Variants in CHD6 observed in about 807,000 individuals in gnomAD.
The protein encoded by CHD6 is ATP-dependent chromatin remodeler CHD6.
Under a neutral mutation model 276.9 loss-of-function variants are expected in CHD6, and 50 were observed. The ratio of observed to expected loss-of-function variants is 0.18; its 90% CI spans 0.14 to 0.23. CHD6 has a LOEUF of 0.23. Ranked by LOEUF, CHD6 falls within the 10% of genes least tolerant of loss-of-function variation. CHD6 has a pLI of 1.00. For synonymous variants in CHD6, 1,173 were observed against 1,229.3 expected (o/e 0.95, Z 0.96); for missense variants, 2,564 against 3,365.8 (o/e 0.76, Z 5.89).
At chr20:41,598,432 A>G (rs1001297230) in intron 1 of CHD6, among the ~76,000 whole-genome samples, 2 of 152,014 alleles carry the variant, frequency 1.3e-5, no homozygotes, top group Non-Finnish European at 2.9e-5. Flanking sequence ...CGGATTAAAT[A>G]TTCCGTCCGC....
rs148499011 is a variant in CHD6 at position 41,533,564 on chromosome 20, T to C, written c.40A>G (p.Asn14Asp). Residue 14 changes from asparagine (N) to aspartate (D), a missense_variant, in exon 3 of 37, where the codon AAT becomes GAT. Transcript: ENST00000373233. The part of the protein sequence containing the change: ...KIQKKEKQLS[N>D]LKVLNHSPMS... ...GGGGAGTGATTCAAAACTTTTAAAT[T>C]TGACAACTGTAAAAGAAAGAGAAAC... 6.6e-4 allele frequency: 1,049 copies of C among 1,600,378 alleles called. 1 individual carries two copies. The highest frequency in any genetic ancestry group is 8.5e-4 in the Non-Finnish European group (995 of 1,177,118).
chr20:41,547,441 C>A (rs766308196), intron 2 of CHD6: 1 of 263,878 alleles, frequency 3.8e-6, no homozygotes, highest in East Asian at 9.3e-5. Flanking sequence ...AAGTTTGACC[C>A]CAATGAGATT....
chr20:41,510,448 G>A (rs181713260), intron 5 of CHD6, among the ~76,000 whole-genome samples: 1 of 152,184 alleles, frequency 6.6e-6, no homozygotes. Context: ...GCCTTGGCTC[G>A]GAGGCCAGCC....
intron 11 of CHD6, among the ~76,000 whole-genome samples, chr20:41,491,123 T>A (rs796434499): frequency 5.9e-5 from 9 of 152,212 alleles, no homozygotes; most frequent in African/African-American, 2.2e-4. Context: ...ACACTAAGGC[T>A]ACACTCAATT....
chr20:41,532,366 T>C (rs1375914668), intron 3 of CHD6, among the ~76,000 whole-genome samples: 1 of 152,150 alleles, frequency 6.6e-6, no homozygotes, highest in Non-Finnish European at 1.5e-5. Context: ...TCAGTCCTCA[T>C]CTATCTGGAA....
intron 1 of CHD6, among the ~76,000 whole-genome samples, chr20:41,564,971 T>C (rs756816198): frequency 2.0e-5 from 3 of 152,054 alleles, no homozygotes; most frequent in East Asian, 1.9e-4. Flanking sequence ...CAGGTAGGAA[T>C]AGGTAGGGCA....
At chr20:41,565,968 G>A (rs1017669720) in intron 1 of CHD6, among the ~76,000 whole-genome samples, 1 of 152,176 alleles carries the variant, frequency 6.6e-6, no homozygotes, top group Admixed American at 6.5e-5. Context: ...GTACCATTAA[G>A]AGGGAAAAAC....
intron 5 of CHD6, among the ~76,000 whole-genome samples, chr20:41,511,076 T>C (rs1407787767): frequency 1.3e-5 from 2 of 152,232 alleles, no homozygotes; most frequent in African/African-American, 2.4e-5. Flanking sequence ...ATTGTTAAAA[T>C]AGGGACAATA....
intron 5 of CHD6, among the ~76,000 whole-genome samples, chr20:41,502,388 T>C (rs1343532177): frequency 2.6e-5 from 4 of 152,214 alleles, no homozygotes; most frequent in African/African-American, 9.7e-5. Context: ...GTATTTTATA[T>C]TTATAGCACA....
At chr20:41,472,408 A>G (rs1328341052) in intron 17 of CHD6, among the ~76,000 whole-genome samples, 3 of 152,038 alleles carry the variant, frequency 2.0e-5, no homozygotes, top group Non-Finnish European at 4.4e-5. Context: ...GCAGCCTCCA[A>G]ACTTCTTTTG....
intron 22 of CHD6, 103 bp from the exon 23 acceptor site, chr20:41,451,208 G>A: frequency 9.6e-7 from 1 of 1,036,978 alleles, no homozygotes; most frequent in Non-Finnish European, 1.4e-6. Flanking sequence ...GAGTTGGGCT[G>A]TGCTCTGGAT....
At chr20:41,616,971 C>A (rs1479016887) in intron 1 of CHD6, among the ~76,000 whole-genome samples, 2 of 152,056 alleles carry the variant, frequency 1.3e-5, no homozygotes, top group African/African-American at 2.4e-5. Flanking sequence ...GTGTTTTTTC[C>A]CCAAACGCCA....
chr20:41,445,842 T>A, intron 24 of CHD6, 74 bp from the exon 25 acceptor site: 1 of 864,496 alleles, frequency 1.2e-6, no homozygotes. Context: ...GCCACAGTCC[T>A]ACTGGCATGC....
At position 41,451,055 on chromosome 20, in the gene CHD6, G is replaced by C; in HGVS notation, c.3574C>G (p.Gln1192Glu). ...TCCTTTAGCTCTGGGATTAGCAACT[G>C]GTTCTTCGTCTTCTTCCCCTTCCTC... ...RGRKGKKTKN[Q>E]LLIPELKDAD... The change falls in exon 23 of 37, where the codon CAG becomes GAG. Residue 1192 changes from glutamine (Q) to glutamate (E), a missense_variant. Transcript: ENST00000373233. 2 of 1,613,966 alleles carry C rather than the reference G, an allele frequency of 1.2e-6. No homozygotes were observed. Among genetic ancestry groups the C allele is most frequent in the South Asian group, 2.2e-5 (2 of 91,052 alleles).
chr20:41,498,237 C>G lies in CHD6; in HGVS notation c.916-11G>C, dbSNP rs777031416. On this transcript the variant is annotated splice_polypyrimidine_tract_variant and intron_variant, in intron 6 of 36. Transcript: ENST00000373233. ...TTCTCCTGGGTGAACCTGTAACAAACAGCAAGCAGTTATCAGCCCAGATCC... is the reference window on the plus strand; with the variant it reads ...TTCTCCTGGGTGAACCTGTAACAAAGAGCAAGCAGTTATCAGCCCAGATCC... The G allele has an allele frequency of 3.1e-6, 5 of 1,607,838 alleles. No individual in the cohort carries two copies. Among genetic ancestry groups the G allele is most frequent in the African/African-American group, 1.3e-5 (1 of 74,632 alleles).
intron 27 of CHD6, among the ~76,000 whole-genome samples, chr20:41,428,935 C>G (rs113943748): frequency 1.4e-4 from 21 of 152,214 alleles, no homozygotes; most frequent in African/African-American, 4.3e-4. Context: ...TTCACAGAAC[C>G]CTCAAACTCC....
chr20:41,579,092 T>C (rs1357999587), intron 1 of CHD6, among the ~76,000 whole-genome samples: 1 of 129,264 alleles, frequency 7.7e-6, no homozygotes, highest in Non-Finnish European at 1.5e-5. Flanking sequence ...ATTGTACCAC[T>C]GCACTCCAGC....
intron 6 of CHD6, among the ~76,000 whole-genome samples, chr20:41,498,803 A>ATG (rs1270775232): frequency 1.0e-3 from 97 of 96,038 alleles, no homozygotes; most frequent in African/African-American, 4.1e-3. Flanking sequence ...GTATGTATGT[A>ATG]TGTATGTATG....
At chr20:41,539,780 G>C (rs533017088) in intron 2 of CHD6, among the ~76,000 whole-genome samples, 1 of 152,142 alleles carries the variant, frequency 6.6e-6, no homozygotes, top group East Asian at 1.9e-4. Flanking sequence ...GTTTAATAGA[G>C]AAAAAAGCTA....
Sources: gnomAD v4.1 joint callset for allele counts (sites outside exome capture counted in the v4.1 genomes callset) on GRCh38, gnomAD v4.1.1 for gene constraint, MANE v1.5 for transcripts, NCBI Gene and HGNC (gene_info 2026-07-23, HGNC 2026-07-21) for gene names.